ZFPM2: variants seen among roughly 807,000 people sequenced by gnomAD.
ZFPM2 encodes the protein zinc finger protein, FOG family member 2, also known as zinc finger protein ZFPM2.
ZFPM2 carries 20 observed loss-of-function variants against 98.6 expected under a neutral mutation model. The observed-to-expected ratio is 0.20, with a 90% CI of 0.14 to 0.29. The LOEUF is 0.29. ZFPM2 is among the 10% of genes least tolerant of loss of function. ZFPM2 has a pLI of 1.00. For synonymous variants in ZFPM2, 518 were observed against 502.7 expected, an observed-to-expected ratio of 1.03 and a Z score of -0.41; for missense variants, 1,310 against 1,388.6, an observed-to-expected ratio of 0.94 and a Z score of 0.90.
At chr8:105,479,364 C>G (rs1380285894) in intron 3 of ZFPM2, among the ~76,000 whole-genome samples, 1 of 152,182 alleles carries the variant, frequency 6.6e-6, no homozygotes, top group African/African-American at 2.4e-5. Flanking sequence ...AACATTGTTT[C>G]TTTTTAAGAC....
intron 5 of ZFPM2, among the ~76,000 whole-genome samples, chr8:105,715,069 G>A (rs1023542854): frequency 4.0e-5 from 6 of 151,898 alleles, no homozygotes; most frequent in African/African-American, 1.5e-4. Flanking sequence ...AACTATACTT[G>A]TTTCTCAGTT....
chr8:105,688,698 C>T (rs1810804426), intron 5 of ZFPM2, among the ~76,000 whole-genome samples: 1 of 152,030 alleles, frequency 6.6e-6, no homozygotes, highest in African/African-American at 2.4e-5. Flanking sequence ...CATTTACATA[C>T]ATATACACAC....
At chr8:105,660,343 A>G (rs1439979725) in intron 5 of ZFPM2, among the ~76,000 whole-genome samples, 1 of 152,194 alleles carries the variant, frequency 6.6e-6, no homozygotes. Flanking sequence ...CTTTCTAAGC[A>G]TTAGAGCTTA....
At chr8:105,406,830 A>T (rs1400603213) in intron 1 of ZFPM2, among the ~76,000 whole-genome samples, 6 of 151,978 alleles carry the variant, frequency 3.9e-5, no homozygotes, top group Non-Finnish European at 1.5e-5. Context: ...ACGACTAGGG[A>T]TAAAGTAGTG....
intron 3 of ZFPM2, among the ~76,000 whole-genome samples, chr8:105,502,199 T>G (rs1813609702): frequency 7.5e-6 from 1 of 132,870 alleles, no homozygotes; most frequent in Non-Finnish European, 1.5e-5. Context: ...GAAAATTATT[T>G]TGAGGATAAG....
intron 5 of ZFPM2, among the ~76,000 whole-genome samples, chr8:105,732,615 A>T (rs1474857671): frequency 6.6e-6 from 1 of 151,884 alleles, no homozygotes; most frequent in Admixed American, 6.6e-5. Flanking sequence ...TCCAGAATTT[A>T]GCAATTTCAT....
chr8:105,419,332 G>A (rs1412093407), intron 2 of ZFPM2, 30 bp downstream of exon 2: 5 of 1,602,828 alleles, frequency 3.1e-6, no homozygotes, highest in Middle Eastern at 1.6e-4. Flanking sequence ...TGTAATATGT[G>A]AGTCCACTTA....
intron 4 of ZFPM2, among the ~76,000 whole-genome samples, chr8:105,586,838 TA>T (rs917023631): frequency 1.8e-4 from 25 of 140,758 alleles, no homozygotes; most frequent in African/African-American, 6.4e-4. Context: ...CATATTTATA[TA>T]TAAATATTTT....
intron 2 of ZFPM2, among the ~76,000 whole-genome samples, chr8:105,424,599 TAAAG>T (rs1404258166): frequency 2.6e-5 from 4 of 152,064 alleles, no homozygotes; most frequent in Admixed American, 2.6e-4. Flanking sequence ...TAAAGCATAT[TAAAG>T]AAAATAGAAT....
chr8:105,451,054 G>C (rs1359322026), intron 3 of ZFPM2, among the ~76,000 whole-genome samples: 1 of 151,944 alleles, frequency 6.6e-6, no homozygotes, highest in Admixed American at 6.6e-5. Context: ...ACTTTATAAA[G>C]TATACCAATT....
At position 105,801,031 on chromosome 8, in the gene ZFPM2, T is replaced by TTGTA. The variant is rs1172647994; in HGVS notation, c.965-12_965-9dup. On this transcript the variant is annotated splice_polypyrimidine_tract_variant and intron_variant, in intron 7 of 7. Coordinates refer to ENST00000407775, the MANE Select transcript of ZFPM2 (RefSeq NM_012082.4). ...ACACATGTTTCTCATTGTTCTTATT[T>TTGTA]TGTATGTCTCTCTAGGAGTGAAAAT... The TTGTA allele has an allele frequency of 1.3e-6, 2 of 1,592,642 alleles. No individual in the cohort carries two copies. Among genetic ancestry groups the TTGTA allele is most frequent in the Admixed American group, 1.7e-5 (1 of 58,138 alleles).
At chr8:105,576,909 C>T (rs1361401035) in intron 4 of ZFPM2, among the ~76,000 whole-genome samples, 1 of 152,082 alleles carries the variant, frequency 6.6e-6, no homozygotes, top group African/African-American at 2.4e-5. Flanking sequence ...GTTTATTTTG[C>T]TCAAGCTTCA....
At chr8:105,381,976 A>T (rs1435902393) in intron 1 of ZFPM2, among the ~76,000 whole-genome samples, 1 of 152,152 alleles carries the variant, frequency 6.6e-6, no homozygotes. Flanking sequence ...ATTCAAACAT[A>T]TCAATCTGAA....
At chr8:105,709,706 A>T (rs1196174123) in intron 5 of ZFPM2, among the ~76,000 whole-genome samples, 2 of 152,150 alleles carry the variant, frequency 1.3e-5, no homozygotes, top group African/African-American at 2.4e-5. Flanking sequence ...AATTTAATAG[A>T]ATTAAGTAAA....
chr8:105,368,831 C>A (rs1184462431), intron 1 of ZFPM2, among the ~76,000 whole-genome samples: 1 of 152,054 alleles, frequency 6.6e-6, no homozygotes, highest in Admixed American at 6.6e-5. Flanking sequence ...AATAGCTGCT[C>A]CAGAAAAATA....
chr8:105,597,346 CT>C (rs1253529774), intron 4 of ZFPM2, among the ~76,000 whole-genome samples: 1 of 152,080 alleles, frequency 6.6e-6, no homozygotes, highest in Non-Finnish European at 1.5e-5. Flanking sequence ...ACTATTTCTA[CT>C]TATTTAAAAC....
intron 5 of ZFPM2, among the ~76,000 whole-genome samples, chr8:105,786,438 T>C (rs909645589): frequency 2.0e-5 from 3 of 152,216 alleles, no homozygotes; most frequent in Non-Finnish European, 2.9e-5. Flanking sequence ...GAGATTTCAA[T>C]GAATAGCCAA....
chr8:105,437,180 C>T (rs1812137724), intron 2 of ZFPM2, among the ~76,000 whole-genome samples: 1 of 151,980 alleles, frequency 6.6e-6, no homozygotes, highest in African/African-American at 2.4e-5. Context: ...ATAAGTTGCT[C>T]AAAATAGGTG....
chr8:105,711,693 T>G (rs1178458778), intron 5 of ZFPM2, among the ~76,000 whole-genome samples: 2 of 152,074 alleles, frequency 1.3e-5, no homozygotes, highest in African/African-American at 2.4e-5. Context: ...TCATTCTTCC[T>G]TGTTTCTGAA....
Sources: gnomAD v4.1 joint callset for allele counts (sites outside exome capture counted in the v4.1 genomes callset) on GRCh38, gnomAD v4.1.1 for gene constraint, MANE v1.5 for transcripts, NCBI Gene and HGNC (gene_info 2026-07-23, HGNC 2026-07-21) for gene names.